The following GPR89A variants were observed in gnomAD, a reference collection of about 807,000 sequenced individuals.
GPR89A encodes the protein G protein-coupled receptor 89A.
GPR89A carries 16 observed loss-of-function variants against 52.0 expected under a neutral mutation model. The observed-to-expected ratio is 0.31, with a 90% CI of 0.21 to 0.47. The LOEUF (loss-of-function observed/expected upper bound fraction) is 0.47. Ranked by LOEUF, GPR89A falls within the 20% of genes least tolerant of loss-of-function variation. GPR89A has a pLI of 1.00. For missense variants in GPR89A, 135 were observed against 449.4 expected (o/e 0.30, Z 6.33); for synonymous variants, 55 against 150.9 (o/e 0.36, Z 4.66).
intron 7 of GPR89A, among the ~76,000 whole-genome samples, chr1:145,634,233 C>T (rs1650067069): frequency 6.6e-6 from 1 of 151,914 alleles, no homozygotes; most frequent in Admixed American, 6.6e-5. Flanking sequence ...GTGCGCACCA[C>T]CACACCCAGC....
chr1:145,632,341 A>G (rs1385149132), intron 7 of GPR89A, among the ~76,000 whole-genome samples: 2 of 151,956 alleles, frequency 1.3e-5, no homozygotes, highest in Non-Finnish European at 2.9e-5. Context: ...TGCAAAGAAA[A>G]AAAACCTTAT....
chr1:145,646,875 G>A (rs1553692633), intron 9 of GPR89A: 2 of 360,788 alleles, frequency 5.5e-6, no homozygotes, highest in Non-Finnish European at 1.0e-5. Context: ...CTTTGAGCAA[G>A]TTATCGAACC....
intron 10 of GPR89A, among the ~76,000 whole-genome samples, chr1:145,656,205 A>G (rs1402070433): frequency 5.3e-5 from 8 of 152,154 alleles, no homozygotes; most frequent in African/African-American, 1.4e-4. Flanking sequence ...GTCTTAGGCA[A>G]TCTCCAGCCT....
At position 145,655,672 on chromosome 1, in the gene GPR89A, G is replaced by A. The variant is rs587626448; in HGVS notation, c.910-7657G>A. Among the ~76,000 whole-genome samples the A allele has an allele frequency of 6.4e-3, 973 of 152,148 alleles. 1 individual carries two copies. Among genetic ancestry groups the A allele is most frequent in the African/African-American group, 0.023 (943 of 41,432 alleles). On this transcript the variant is annotated intron_variant, in intron 10 of 13. Coordinates refer to ENST00000313835, the MANE Select transcript of GPR89A (RefSeq NM_001097612.2). ...AACAGCAAAGATGGCTGCTTGCTCC[G>A]TCCTCTGGGAGGAAGCACTGACCTG...
At chr1:145,612,528 CACTT>C (rs1202325840) in intron 1 of GPR89A, among the ~76,000 whole-genome samples, 3 of 152,140 alleles carry the variant, frequency 2.0e-5, no homozygotes, top group South Asian at 2.1e-4. Context: ...TTGATTCTGA[CACTT>C]ACTATAAATT....
chr1:145,619,089 T>C (rs1391189754), intron 3 of GPR89A, among the ~76,000 whole-genome samples: 1 of 152,160 alleles, frequency 6.6e-6, no homozygotes, highest in Non-Finnish European at 1.5e-5. Context: ...TGTGCTTTTT[T>C]ATCACCACCT....
rs782265579 is a variant in GPR89A, at chr1:145,618,372, GCAC to G, written c.158_160del (p.Thr53del). The stretch of plus-strand genomic sequence containing the variant: ...TTCTCCGTGACGTTTGCATTTTCTT[GCAC>G]CATGTTTGAGCTCATCATCTTTGAA... On this transcript the variant is annotated inframe_deletion, in exon 3 of 14. Transcript: ENST00000313835. 1.3e-6 allele frequency: 2 copies of G among 1,518,726 alleles called. No individual in the cohort carries two copies. The highest frequency in any genetic ancestry group is 3.5e-5 in the African/African-American group (2 of 56,424). The allele number at this position is 1,518,726 out of a possible 1,614,324, so 94.1% of individuals were successfully genotyped here.
intron 10 of GPR89A, among the ~76,000 whole-genome samples, chr1:145,648,806 T>TTTTC (rs1651236583): frequency 2.5e-3 from 4 of 1,616 alleles, no homozygotes; most frequent in Non-Finnish European, 7.0e-3. Context: ...TTCTTTTTTT[T>TTTTC]TTTTTTTTTT....
At chr1:145,629,183 A>G (rs1649725247) in intron 5 of GPR89A, among the ~76,000 whole-genome samples, 1 of 152,184 alleles carries the variant, frequency 6.6e-6, no homozygotes. Flanking sequence ...AGGATGAGAC[A>G]GTTCCCAGGG....
intron 11 of GPR89A, 60 bp downstream of exon 11, chr1:145,663,484 C>A: frequency 6.2e-7 from 1 of 1,603,446 alleles, no homozygotes. Flanking sequence ...TATAACTTAC[C>A]ATTGTTAAGA....
intron 10 of GPR89A, among the ~76,000 whole-genome samples, chr1:145,658,387 T>G (rs1651957099): frequency 6.7e-6 from 1 of 149,454 alleles, no homozygotes; most frequent in Non-Finnish European, 1.5e-5. Context: ...GGAGGATCAC[T>G]TGAGCCCAGG....
chr1:145,621,499 A>G (rs1553688121), intron 3 of GPR89A, among the ~76,000 whole-genome samples: 1 of 151,592 alleles, frequency 6.6e-6, no homozygotes, highest in African/African-American at 2.4e-5. Flanking sequence ...TGTTGTTCAT[A>G]TTTCCTTATA....
chr1:145,652,871 C>G (rs1651547202), intron 10 of GPR89A, among the ~76,000 whole-genome samples: 1 of 148,286 alleles, frequency 6.7e-6, no homozygotes, highest in Admixed American at 6.6e-5. Flanking sequence ...CTGTTTGATT[C>G]TTCTTCTTTA....
intron 4 of GPR89A, 92 bp downstream of exon 4, chr1:145,623,252 T>G (rs1324811656): frequency 1.1e-6 from 1 of 872,662 alleles, no homozygotes; most frequent in Non-Finnish European, 1.7e-6. Flanking sequence ...ACATTAACTT[T>G]CAGTATCTAC....
At chr1:145,662,718 A>G (rs1307240233) in intron 10 of GPR89A, among the ~76,000 whole-genome samples, 2 of 151,980 alleles carry the variant, frequency 1.3e-5, no homozygotes, top group Admixed American at 6.6e-5. Flanking sequence ...GAGTTTGCTC[A>G]CCTATTATGC....
rs782815126 is a variant in GPR89A at position 145,663,283 on chromosome 1, A to G, written c.910-46A>G. The G allele has an allele frequency of 2.4e-5, 38 of 1,607,738 alleles. 2 individuals are homozygous for G. The highest frequency in any genetic ancestry group is 3.1e-5 in the Non-Finnish European group (36 of 1,177,414). On this transcript the variant is annotated intron_variant, in intron 10 of 13. Coordinates refer to ENST00000313835, the MANE Select transcript of GPR89A (RefSeq NM_001097612.2). The stretch of plus-strand genomic sequence containing the variant: ...AGTTTCAGTCACTTTTTGAAATAGT[A>G]AGTGATTGTTAAGATGCTCCAAGGT...
At chr1:145,608,991 T>A (rs1648051136) in intron 1 of GPR89A, among the ~76,000 whole-genome samples, 1 of 152,094 alleles carries the variant, frequency 6.6e-6, no homozygotes, top group African/African-American at 2.4e-5. Flanking sequence ...TTTATGTCTG[T>A]GTTTCTGATT....
chr1:145,647,030 A>G (rs1227413789), intron 9 of GPR89A, 145 bp from the exon 10 acceptor site: 1 of 1,273,928 alleles, frequency 7.8e-7, no homozygotes, highest in African/African-American at 1.5e-5. Flanking sequence ...AATGCTGGCC[A>G]CAACTACTGT....
chr1:145,649,021 G>A (rs1651259230), intron 10 of GPR89A, among the ~76,000 whole-genome samples: 1 of 148,376 alleles, frequency 6.7e-6, no homozygotes, highest in Non-Finnish European at 1.5e-5. Flanking sequence ...GGCCAGGATG[G>A]TCTCGATCTC....
Sources: allele counts gnomAD v4.1 joint callset (sites outside exome capture counted in the v4.1 genomes callset), GRCh38; gene constraint gnomAD v4.1.1; transcripts MANE v1.5; gene names NCBI Gene and HGNC (gene_info 2026-07-23, HGNC 2026-07-21).